Variants in LRCH3 observed in about 807,000 individuals in gnomAD.
LRCH3 encodes DISP complex protein LRCH3.
In LRCH3, 68 loss-of-function variants were observed where a neutral mutation model predicts 104.5. The ratio of observed to expected loss-of-function variants is 0.65; its 90% CI spans 0.54 to 0.80. The LOEUF (loss-of-function observed/expected upper bound fraction) is 0.80, where lower values mean the gene tolerates loss of function less well. Ranked by LOEUF, LRCH3 falls within the 30% of genes least tolerant of loss-of-function variation. The pLI is 0.00. For missense variants in LRCH3, 951 were observed against 953.9 expected (o/e 1.00, Z 0.04); for synonymous variants, 344 against 361.3 (o/e 0.95, Z 0.54).
intron 18 of LRCH3, 115 bp downstream of exon 18, chr3:197,870,393 T>A: frequency 1.0e-6 from 1 of 996,734 alleles, no homozygotes; most frequent in Non-Finnish European, 1.4e-6. Flanking sequence ...TTAGACGGAG[T>A]CTCACTCTGT....
rs781160958 is a variant in LRCH3, at chr3:197,791,523, C to A, written c.245C>A (p.Thr82Lys). ...CGGGGAGCGGCCAACCACGACCTGA[C>A]GGACACCACCCGGGCGGGTGAGCGG... Reference protein sequence around the residue: ...FPRGAANHDLTDTTRADLSRN... With the variant: ...FPRGAANHDLKDTTRADLSRN... Residue 82 changes from threonine to lysine, a missense_variant, in exon 1 of 21, where the codon ACG becomes AAG. Coordinates refer to ENST00000425562, the MANE Select transcript of LRCH3 (RefSeq NM_001365715.1). 3.8e-6 allele frequency: 6 copies of A among 1,591,986 alleles called. No homozygotes were observed. The highest frequency in any genetic ancestry group is 3.4e-5 in the South Asian group (3 of 88,446).
intron 9 of LRCH3, among the ~76,000 whole-genome samples, chr3:197,836,396 A>G (rs1309722043): frequency 6.6e-6 from 1 of 152,164 alleles, no homozygotes; most frequent in Admixed American, 6.5e-5. Flanking sequence ...CCACTACAGA[A>G]TCTCTGCCAA....
rs1553921573 is a variant in LRCH3, at chr3:197,841,846, G to GTTTTGTTTTC, written c.1328+2455_1328+2456insTTTCTTTTGT. On this transcript the variant is annotated intron_variant, in intron 10 of 20. Coordinates refer to ENST00000425562, the MANE Select transcript of LRCH3 (RefSeq NM_001365715.1). ...GTTTTGTTTTGTTTTGTTTTGTTTT[G>GTTTTGTTTTC]TTTTGTGACAGGGTCTTGCTCTATT... 4.2e-3 allele frequency among the ~76,000 whole-genome samples: 624 copies of GTTTTGTTTTC among 147,160 alleles called. 27 individuals carry two copies. Among genetic ancestry groups the GTTTTGTTTTC allele is most frequent in the African/African-American group, 0.015 (582 of 39,264 alleles).
chr3:197,839,444 G>A, intron 10 of LRCH3, 47 bp downstream of exon 10: 1 of 1,249,230 alleles, frequency 8.0e-7, no homozygotes, highest in Non-Finnish European at 1.1e-6. Context: ...TTAATCATGA[G>A]AGCATAAAGT....
rs1739991956 is a variant in LRCH3 at position 197,854,312 on chromosome 3, TTGTG to T, written c.1591-74_1591-71del. The T allele has an allele frequency of 5.9e-6, 7 of 1,181,894 alleles. No individual in the cohort carries two copies. The highest frequency in any genetic ancestry group is 2.3e-5 in the East Asian group (1 of 42,786). The allele number at this position is 1,181,894 out of a possible 1,614,324, so 73.2% of individuals were successfully genotyped here. ...AGTATGTCTTAATATGTCTCTTCCC[TTGTG>T]TGTGTATTCGTGAAATACGTCACAC... On this transcript the variant is annotated intron_variant, in intron 13 of 20. Coordinates refer to ENST00000425562, the MANE Select transcript of LRCH3 (RefSeq NM_001365715.1). This position sits in a 1 kb window ranked among gnomAD's most constrained non-coding sequence, Gnocchi z 4.5.
At chr3:197,876,878 A>G (rs71325645) in intron 20 of LRCH3, among the ~76,000 whole-genome samples, 2,321 of 50,752 alleles carry the variant, frequency 0.046, 12 homozygotes, top group African/African-American at 0.092. Flanking sequence ...CGCACCCATG[A>G]CAGTGATTCT....
chr3:197,851,526 C>T (rs943842667), intron 12 of LRCH3, among the ~76,000 whole-genome samples: 1 of 152,320 alleles, frequency 6.6e-6, no homozygotes, highest in African/African-American at 2.4e-5. Context: ...ATTGCAGTGA[C>T]AAGAGCCTAA....
rs370265011 is a variant in LRCH3 at position 197,841,809 on chromosome 3, ATGTTTTGTTT to A, written c.1328+2446_1328+2455del. On this transcript the variant is annotated intron_variant, in intron 10 of 20. Transcript: ENST00000425562. ...TGCTGGAAACTAAAGCTAGGATTAC[ATGTTTTGTTT>A]TGTTTTGTTTTGTTTTGTTTTGTTT... Among the ~76,000 whole-genome samples, 317 of 148,378 alleles carry A rather than the reference ATGTTTTGTTT, an allele frequency of 2.1e-3. 3 individuals carry two copies. The highest frequency in any genetic ancestry group is 2.9e-3 in the African/African-American group (115 of 39,804).
Position 197,791,460 on chromosome 3 carries a change from T to TG in LRCH3, c.183dup (p.Leu62AlafsTer75). The TG allele has an allele frequency of 6.3e-7, 1 of 1,599,766 alleles. No individual in the cohort carries two copies. Among genetic ancestry groups the TG allele is most frequent in the African/African-American group, 1.3e-5 (1 of 74,086 alleles). ...CTGGAGGAGGCGGCGGTCACTGGGG[T>TG]GCTGAGCCTGAGCGGCCGGAAACTG... On this transcript the variant is annotated frameshift_variant, in exon 1 of 21. Transcript: ENST00000425562. LOFTEE classifies it high-confidence loss of function.
chr3:197,876,706 C>A (rs1712929436), intron 20 of LRCH3, among the ~76,000 whole-genome samples: 1 of 152,156 alleles, frequency 6.6e-6, no homozygotes, highest in East Asian at 1.9e-4. Context: ...TTCTCTATCA[C>A]CTTCTAATTA....
chr3:197,806,799 G>A (rs781444655), intron 1 of LRCH3, among the ~76,000 whole-genome samples: 1 of 150,886 alleles, frequency 6.6e-6, no homozygotes, highest in Non-Finnish European at 1.5e-5. Context: ...TGATCCACCC[G>A]CCTCAGCCTC....
intron 20 of LRCH3, among the ~76,000 whole-genome samples, chr3:197,879,589 T>G (rs1337871641): frequency 6.6e-6 from 1 of 151,670 alleles, no homozygotes; most frequent in East Asian, 1.9e-4. Context: ...GAGCTTGCAG[T>G]GAGCCGAGAT....
rs867661102 is a variant in LRCH3, at chr3:197,807,745, G to A, written c.263-7163G>A. On this transcript the variant is annotated intron_variant, in intron 1 of 20. Transcript: ENST00000425562. ...TTTTATTTCTCTGTAGTGTTTTTGA[G>A]TGTATCTCTTTGTGTAGCTCTCTTT... Among the ~76,000 whole-genome samples, 3 of 152,130 alleles carry A rather than the reference G, an allele frequency of 2.0e-5. No individual in the cohort carries two copies. The South Asian group carries it at 6.2e-4, about 32-fold the overall frequency.
In LRCH3 at chr3:197,814,865, G is replaced by A. The variant is rs767392863; in HGVS notation, c.263-43G>A. ...AAATCAAAAGATTTCAATAAAATAAGTTCCAAGGACTGATTTTAAACCTAA... is the reference window on the plus strand; with the variant it reads ...AAATCAAAAGATTTCAATAAAATAAATTCCAAGGACTGATTTTAAACCTAA... On this transcript the variant is annotated intron_variant, in intron 1 of 20. Transcript: ENST00000425562. 17 of 1,499,126 alleles carry A rather than the reference G, an allele frequency of 1.1e-5. No homozygotes were observed. In the South Asian group the frequency reaches 1.7e-4, roughly 15 times the overall value. The allele number at this position is 1,499,126 out of a possible 1,614,324, so 92.9% of individuals were successfully genotyped here. A position where few individuals can be genotyped will look rare whatever the true frequency, so the allele number is the denominator to read the frequency against.
intron 3 of LRCH3, 44 bp downstream of exon 3, chr3:197,817,346 CTG>C (rs551929841): frequency 6.2e-3 from 1,608 of 258,148 alleles, no homozygotes; most frequent in Non-Finnish European, 6.7e-3. Context: ...GTGTGTGTGT[CTG>C]TGTGTGTGTG....
intron 15 of LRCH3, among the ~76,000 whole-genome samples, chr3:197,863,861 A>G (rs1466683082): frequency 6.6e-6 from 1 of 152,242 alleles, no homozygotes; most frequent in African/African-American, 2.4e-5. Flanking sequence ...CAGAGAAAAA[A>G]GTACTTTAGA....
rs923083104 is a variant in LRCH3, at chr3:197,853,466, G to A, written c.1590+846G>A. On this transcript the variant is annotated intron_variant, in intron 13 of 20. Transcript: ENST00000425562. ...GCCTCCCAAACTGCTGGAATTACAG[G>A]CACTTAATTCCACTGCGCCTGACCC... Among the ~76,000 whole-genome samples the A allele has an allele frequency of 2.0e-5, 3 of 152,108 alleles. 1 individual carries two copies. The South Asian group carries it at 6.2e-4, about 32-fold the overall frequency.
chr3:197,847,075 A>G (rs1335747579), intron 10 of LRCH3, among the ~76,000 whole-genome samples: 1 of 152,240 alleles, frequency 6.6e-6, no homozygotes, highest in African/African-American at 2.4e-5. Flanking sequence ...TCGTGTTTTA[A>G]TCATGGTGGT....
chr3:197,874,143 G>T (rs984825753), intron 19 of LRCH3, among the ~76,000 whole-genome samples: 14 of 152,078 alleles, frequency 9.2e-5, no homozygotes, highest in African/African-American at 3.1e-4. Flanking sequence ...TTAGTGCAGG[G>T]GTCCCCAACC....
Sources: allele counts gnomAD v4.1 joint callset (sites outside exome capture counted in the v4.1 genomes callset), GRCh38; gene constraint gnomAD v4.1.1; non-coding constraint Gnocchi (gnomAD v3.1); transcripts MANE v1.5; gene names NCBI Gene and HGNC (gene_info 2026-07-23, HGNC 2026-07-21).